Variants in THSD4 observed in about 807,000 individuals in gnomAD.
THSD4 encodes thrombospondin type-1 domain-containing protein 4.
In THSD4, 69 loss-of-function variants were observed where a neutral mutation model predicts 119.0. That is an observed-to-expected ratio of 0.58 (90% confidence interval 0.48 to 0.71). THSD4 has a LOEUF of 0.71. Ranked by LOEUF, THSD4 falls within the 30% of genes least tolerant of loss-of-function variation. The pLI is 0.00. For synonymous variants in THSD4, 524 were observed against 540.4 expected (o/e 0.97, Z 0.42); for missense variants, 1,393 against 1,391.1 (o/e 1.00, Z -0.02).
rs1187527833 is a variant in THSD4 at position 71,744,952 on chromosome 15, T to G, written c.1907-154T>G. Among the ~76,000 whole-genome samples the G allele has an allele frequency of 2.0e-5, 3 of 152,146 alleles. No individual in the cohort carries two copies. The East Asian group carries it at 5.8e-4, about 29-fold the overall frequency. ...AGGTAGGTGTGTGTAAACCCTCAAA[T>G]GAAGGGGGAGCGTAAGTGTGCATGC... On this transcript the variant is annotated intron_variant, in intron 11 of 17. Transcript: ENST00000261862.
chr15:71,414,750 G>A (rs528530976), intron 7 of THSD4, among the ~76,000 whole-genome samples: 1 of 152,086 alleles, frequency 6.6e-6, no homozygotes, highest in African/African-American at 2.4e-5. Context: ...CAAACTTTAC[G>A]GCAACACAGT....
chr15:71,728,212 A>G (rs1318907662), intron 8 of THSD4, among the ~76,000 whole-genome samples: 1 of 152,148 alleles, frequency 6.6e-6, no homozygotes, highest in African/African-American at 2.4e-5. Flanking sequence ...ATGGTATATA[A>G]TATAAATACG....
intron 7 of THSD4, among the ~76,000 whole-genome samples, chr15:71,651,189 C>T (rs945604623): frequency 3.3e-5 from 5 of 152,246 alleles, no homozygotes; most frequent in Non-Finnish European, 4.4e-5. Context: ...GTCTTCCTTA[C>T]TCCACCTTTG....
intron 6 of THSD4, among the ~76,000 whole-genome samples, chr15:71,370,003 G>A (rs1308318710): frequency 6.6e-6 from 1 of 152,124 alleles, no homozygotes; most frequent in East Asian, 1.9e-4. Flanking sequence ...TCCTGGTTTA[G>A]TCTTGTGAGG....
chr15:71,683,453 T>C (rs532166890), intron 8 of THSD4, among the ~76,000 whole-genome samples: 4 of 152,180 alleles, frequency 2.6e-5, no homozygotes, highest in Non-Finnish European at 5.9e-5. Context: ...TACAAAATTC[T>C]ACCGGGGAAA....
chr15:71,704,967 C>G (rs1205235775), intron 8 of THSD4, among the ~76,000 whole-genome samples: 2 of 152,162 alleles, frequency 1.3e-5, no homozygotes, highest in South Asian at 4.1e-4. Context: ...TTTGGGCCTT[C>G]AAATCAGAGA....
intron 8 of THSD4, among the ~76,000 whole-genome samples, chr15:71,724,287 AT>A (rs1555445828): frequency 2.1e-4 from 8 of 37,292 alleles, no homozygotes; most frequent in African/African-American, 5.3e-4. Context: ...ATATATATAT[AT>A]TTTTTTTTTC....
chr15:71,675,736 C>A (rs2051633120), intron 8 of THSD4, among the ~76,000 whole-genome samples: 1 of 152,278 alleles, frequency 6.6e-6, no homozygotes. Flanking sequence ...AGTTGAGGGA[C>A]CTGCCTGTGG....
intron 7 of THSD4, among the ~76,000 whole-genome samples, chr15:71,442,660 G>GTATGTATGTATGTATA (rs1555414328): frequency 3.5e-4 from 9 of 25,814 alleles, no homozygotes; most frequent in Non-Finnish European, 7.4e-4. Context: ...GTGTGTGTGT[G>GTATGTATGTATGTATA]TATATATATA....
At chr15:71,656,921 G>T (rs1208025976) in intron 7 of THSD4, among the ~76,000 whole-genome samples, 2 of 152,148 alleles carry the variant, frequency 1.3e-5, no homozygotes, top group Non-Finnish European at 2.9e-5. Context: ...AGATGGCAAG[G>T]AGGAGGATGA....
Position 71,457,960 on chromosome 15 carries a change from G to A in THSD4, c.1152+46137G>A, listed in dbSNP as rs529471891. Among the ~76,000 whole-genome samples the A allele has an allele frequency of 3.9e-5, 6 of 152,326 alleles. No individual in the cohort carries two copies. In the South Asian group the frequency reaches 1.2e-3, roughly 32 times the overall value. Reference sequence around the variant, plus strand: ...GCATATATGTGGGGAATGAACAAATGAAGTCAGGGGATCTGTGATATTAGC... The same window carrying A: ...GCATATATGTGGGGAATGAACAAATAAAGTCAGGGGATCTGTGATATTAGC... On this transcript the variant is annotated intron_variant, in intron 7 of 17. Transcript: ENST00000261862.
At chr15:71,274,890 T>A (rs1339376264) in intron 6 of THSD4, among the ~76,000 whole-genome samples, 1 of 152,148 alleles carries the variant, frequency 6.6e-6, no homozygotes, top group African/African-American at 2.4e-5. Flanking sequence ...TATTTCAACA[T>A]CTAATGAGCA....
At chr15:71,622,853 C>T (rs1230907241) in intron 7 of THSD4, among the ~76,000 whole-genome samples, 1 of 152,090 alleles carries the variant, frequency 6.6e-6, no homozygotes, top group Non-Finnish European at 1.5e-5. Context: ...TCAGGATAGG[C>T]AGAGGTAGCT....
chr15:71,333,684 C>T (rs548392027), intron 6 of THSD4, among the ~76,000 whole-genome samples: 4 of 152,218 alleles, frequency 2.6e-5, no homozygotes, highest in African/African-American at 9.6e-5. Context: ...TTGTGACTGT[C>T]GTTAAGGACT....
intron 1 of THSD4, among the ~76,000 whole-genome samples, chr15:71,101,449 G>A (rs1284902511): frequency 6.6e-6 from 1 of 152,064 alleles, no homozygotes; most frequent in Non-Finnish European, 1.5e-5. Context: ...TACAATTTGT[G>A]CTTTCACATA....
At chr15:71,333,111 G>A (rs1245510363) in intron 6 of THSD4, among the ~76,000 whole-genome samples, 2 of 151,878 alleles carry the variant, frequency 1.3e-5, no homozygotes, top group East Asian at 1.9e-4. Flanking sequence ...ATGCTTAGGT[G>A]AGAAGGACAT....
At chr15:71,429,113 CA>C (rs1364635644) in intron 7 of THSD4, among the ~76,000 whole-genome samples, 3 of 152,120 alleles carry the variant, frequency 2.0e-5, no homozygotes, top group Non-Finnish European at 4.4e-5. Context: ...GGTTCACTGA[CA>C]AAAGGCAGGT....
chr15:71,512,944 CAT>C (rs1285166747), intron 7 of THSD4, among the ~76,000 whole-genome samples: 6 of 152,148 alleles, frequency 3.9e-5, no homozygotes, highest in Non-Finnish European at 7.3e-5. Context: ...AAAATGAAAA[CAT>C]ACATCTTGGT....
At chr15:71,125,692 A>AG (rs1234331306) in intron 1 of THSD4, among the ~76,000 whole-genome samples, 2 of 151,970 alleles carry the variant, frequency 1.3e-5, no homozygotes, top group Non-Finnish European at 2.9e-5. Flanking sequence ...TCCAGTCAGG[A>AG]GGGGGGCGCC....
Sources: gnomAD v4.1 joint callset for allele counts (sites outside exome capture counted in the v4.1 genomes callset) on GRCh38, gnomAD v4.1.1 for gene constraint, MANE v1.5 for transcripts, NCBI Gene and HGNC (gene_info 2026-07-23, HGNC 2026-07-21) for gene names.